Variants in ENO4 observed in about 807,000 individuals in gnomAD.
The protein encoded by ENO4 is 2-phospho-D-glycerate hydro-lyase.
A neutral mutation model predicts 63.2 loss-of-function variants in ENO4; 53 were observed. The observed-to-expected ratio is 0.84, with a 90% CI of 0.67 to 1.05. ENO4 has a LOEUF of 1.05. Ranked by LOEUF, ENO4 falls within the 50% of genes least tolerant of loss-of-function variation. The pLI is 0.00. For synonymous variants in ENO4, 266 were observed against 283.8 expected, an observed-to-expected ratio of 0.94 and a Z score of 0.63; for missense variants, 719 against 772.0, an observed-to-expected ratio of 0.93 and a Z score of 0.81.
At chr10:116,859,206 G>C (rs1184708541) in intron 4 of ENO4, 68 bp downstream of exon 4, 1 of 1,434,302 alleles carries the variant, frequency 7.0e-7, no homozygotes, top group East Asian at 2.5e-5. Flanking sequence ...CTGAAGCCTG[G>C]ACTGCCTTTC....
chr10:116,849,811 G>C, intron 1 of ENO4, 80 bp downstream of exon 1: 1 of 1,416,796 alleles, frequency 7.1e-7, no homozygotes, highest in Non-Finnish European at 9.4e-7. Flanking sequence ...TTGCGCCTGC[G>C]CCTGCGCCTC....
intron 7 of ENO4, among the ~76,000 whole-genome samples, chr10:116,863,356 T>A (rs868730852): frequency 1.4e-5 from 2 of 147,298 alleles, no homozygotes; most frequent in Admixed American, 6.8e-5. Flanking sequence ...CTGTGGGGCT[T>A]CACACACACA....
chr10:116,850,878 A>G lies in ENO4; in HGVS notation c.165+1147A>G, dbSNP rs138991375. On this transcript the variant is annotated intron_variant, in intron 1 of 13. Transcript: ENST00000341276. ...CCAAAGGACATAGTGACAGAAGAAA[A>G]AAAATCAAACCACATTTGTGTCCCT... Among the ~76,000 whole-genome samples the G allele has an allele frequency of 2.7e-3, 407 of 152,318 alleles. 6 individuals are homozygous for G. The highest frequency in any genetic ancestry group is 2.7e-3 in the Non-Finnish European group (184 of 68,034).
rs776525709 is a variant in ENO4, at chr10:116,879,321, CAGA to C, written c.1571_1573del (p.Glu524del). Reference sequence around the variant, plus strand: ...AAGCACATCACTGTCTTTGGAAGTACAGAAGGAGAATCATCTGATGACAGCCTT... The same window carrying C: ...AAGCACATCACTGTCTTTGGAAGTACAGGAGAATCATCTGATGACAGCCTT... On this transcript the variant is annotated inframe_deletion, in exon 12 of 14. Coordinates refer to ENST00000341276, the MANE Select transcript of ENO4 (RefSeq NM_001242699.2). 1.2e-5 allele frequency: 18 copies of C among 1,550,696 alleles called. No individual in the cohort carries two copies. The highest frequency in any genetic ancestry group is 1.7e-4 in the Middle Eastern group (1 of 5,998).
intron 10 of ENO4, among the ~76,000 whole-genome samples, chr10:116,890,967 C>T (rs1847325922): frequency 6.6e-6 from 1 of 152,216 alleles, no homozygotes; most frequent in Admixed American, 6.5e-5. Flanking sequence ...CACGTTCCAA[C>T]TATATTCAAC....
chr10:116,875,561 TCACA>T (rs56000218), intron 10 of ENO4, among the ~76,000 whole-genome samples: 23 of 147,940 alleles, frequency 1.6e-4, no homozygotes, highest in South Asian at 2.2e-4. Context: ...TCCAGGCTGG[TCACA>T]CACACACACA....
chr10:116,865,253 T>C (rs1246090019), intron 7 of ENO4, among the ~76,000 whole-genome samples: 3 of 152,116 alleles, frequency 2.0e-5, no homozygotes, highest in Non-Finnish European at 4.4e-5. Flanking sequence ...AGTGGCACGA[T>C]TTCGGCTCAC....
downstream of ENO4, chr10:116,884,527 A>G (rs1010883519): frequency 3.1e-6 from 1 of 322,510 alleles, no homozygotes; most frequent in African/African-American, 2.2e-5. Flanking sequence ...TATTTTGATA[A>G]CCATATTATT....
At position 116,864,548 on chromosome 10, in the gene ENO4, T is replaced by C. The variant is rs182612303; in HGVS notation, c.990+1696T>C. 3.9e-3 allele frequency among the ~76,000 whole-genome samples: 600 copies of C among 152,292 alleles called. 4 individuals are homozygous for C. Among genetic ancestry groups the C allele is most frequent in the African/African-American group, 0.014 (573 of 41,544 alleles). On this transcript the variant is annotated intron_variant, in intron 7 of 13. Coordinates refer to ENST00000341276, the MANE Select transcript of ENO4 (RefSeq NM_001242699.2). ...TCCTGACATTTTGTCTTTTAAATGT[T>C]TTATTTACTTTGTGATTACACAAGT... is the stretch of plus-strand genomic sequence containing the variant.
At chr10:116,855,557 T>C in intron 1 of ENO4, 66 bp from the exon 2 acceptor site, 15 of 1,527,770 alleles carry the variant, frequency 9.8e-6, no homozygotes, top group Non-Finnish European at 1.2e-5. Flanking sequence ...AGATATGGTA[T>C]TGTGACTTTT....
At chr10:116,886,448 C>T (rs763899193), downstream of ENO4, 2 of 1,612,808 alleles carry the variant, frequency 1.2e-6, no homozygotes, top group South Asian at 2.2e-5. Flanking sequence ...GGATCTTTTT[C>T]AGCAACCTGG....
At chr10:116,887,802 G>C (rs1000287185) in intron 10 of ENO4, among the ~76,000 whole-genome samples, 1 of 152,166 alleles carries the variant, frequency 6.6e-6, no homozygotes. Context: ...AAACGAATGG[G>C]CAAATACTAA....
chr10:116,895,610 T>A (rs1195765093), intron 10 of ENO4, among the ~76,000 whole-genome samples: 1 of 152,192 alleles, frequency 6.6e-6, no homozygotes, highest in East Asian at 1.9e-4. Context: ...GATGTGAGTA[T>A]CTTAGGGTCA....
chr10:116,887,765 CACCTAGCACAGA>C (rs1436367342), intron 10 of ENO4, among the ~76,000 whole-genome samples: 113 of 152,274 alleles, frequency 7.4e-4, no homozygotes, highest in East Asian at 7.7e-4. Context: ...CTATCCCCAG[CACCTAGCACAGA>C]TGCATTTGTG....
At position 116,874,246 on chromosome 10, in the gene ENO4, A is replaced by G. The variant is rs765610827; in HGVS notation, c.1341+45A>G. On this transcript the variant is annotated intron_variant, in intron 10 of 13. Coordinates refer to ENST00000341276, the MANE Select transcript of ENO4 (RefSeq NM_001242699.2). ...TATTTTATAACATATTTTATATGCC[A>G]TAAGATAGGCAGGACTCACCTTTTA... 21 of 1,448,568 alleles carry G rather than the reference A, an allele frequency of 1.4e-5. No individual in the cohort carries two copies. In the African/African-American group the frequency reaches 2.8e-4, roughly 19 times the overall value. The allele number at this position is 1,448,568 out of a possible 1,614,324, so 89.7% of individuals were successfully genotyped here. A position where few individuals can be genotyped will look rare whatever the true frequency, so the allele number is the denominator to read the frequency against.
intron 11 of ENO4, 47 bp from the exon 12 acceptor site, chr10:116,879,244 T>C (rs1846928088): frequency 7.2e-7 from 1 of 1,395,374 alleles, no homozygotes; most frequent in Non-Finnish European, 9.8e-7. Flanking sequence ...CCCACATGTA[T>C]CCTAACTTTC....
chr10:116,904,507 CCCTT>C (rs1385362208), intron 10 of ENO4, among the ~76,000 whole-genome samples: 7 of 151,810 alleles, frequency 4.6e-5, no homozygotes, highest in African/African-American at 1.7e-4. Flanking sequence ...ACAAGTCACT[CCCTT>C]AGTGTGTGTT....
At chr10:116,886,903 T>A (rs1218449791), downstream of ENO4, among the ~76,000 whole-genome samples, 1 of 151,680 alleles carries the variant, frequency 6.6e-6, no homozygotes, top group East Asian at 1.9e-4. Flanking sequence ...CACAGCCTGC[T>A]GCCCAGACCC....
At chr10:116,849,850 C>A in intron 1 of ENO4, 119 bp downstream of exon 1, 1 of 1,194,502 alleles carries the variant, frequency 8.4e-7, no homozygotes, top group Non-Finnish European at 1.2e-6. Context: ...CGCCCGGGCC[C>A]TGGGCCTGCG....
Sources: gnomAD v4.1 joint callset for allele counts (sites outside exome capture counted in the v4.1 genomes callset) on GRCh38, gnomAD v4.1.1 for gene constraint, MANE v1.5 for transcripts, NCBI Gene and HGNC (gene_info 2026-07-23, HGNC 2026-07-21) for gene names.